The following PID1 variants were observed in gnomAD, a reference collection of about 807,000 sequenced individuals.
The protein encoded by PID1 is PTB-containing, cubilin and LRP1-interacting protein.
In PID1, 10 loss-of-function variants were observed where a neutral mutation model predicts 19.1. The ratio of observed to expected loss-of-function variants is 0.52; its 90% CI spans 0.32 to 0.89. PID1 has a LOEUF of 0.89. PID1 is among the 40% of genes least tolerant of loss of function. The pLI, the probability that PID1 is intolerant of heterozygous loss-of-function variation, is 0.03. For missense variants in PID1, 248 were observed against 285.3 expected (o/e 0.87, Z 0.94); for synonymous variants, 130 against 116.0 (o/e 1.12, Z -0.78).
chr2:229,246,619 G>A (rs978973814), intron 1 of PID1, among the ~76,000 whole-genome samples: 4 of 152,096 alleles, frequency 2.6e-5, no homozygotes, highest in Admixed American at 2.0e-4. Context: ...ACCATCCACG[G>A]AACAAATAAA....
chr2:229,220,613 G>A (rs1691946404), intron 1 of PID1, among the ~76,000 whole-genome samples: 1 of 152,150 alleles, frequency 6.6e-6, no homozygotes, highest in South Asian at 2.1e-4. Flanking sequence ...GATTCTATGA[G>A]TTCAGTCGGC....
At chr2:229,202,785 T>A (rs1043741887) in intron 1 of PID1, among the ~76,000 whole-genome samples, 1 of 152,102 alleles carries the variant, frequency 6.6e-6, no homozygotes, top group African/African-American at 2.4e-5. Flanking sequence ...AGTGTTCCAA[T>A]TACAATAGGA....
chr2:229,052,218 T>C (rs1694009928), intron 2 of PID1, among the ~76,000 whole-genome samples: 1 of 152,218 alleles, frequency 6.6e-6, no homozygotes, highest in Non-Finnish European at 1.5e-5. Flanking sequence ...AATTCATATA[T>C]GTGGACCCAA....
At chr2:229,056,670 T>TC (rs1324697960) in intron 2 of PID1, among the ~76,000 whole-genome samples, 1 of 79,484 alleles carries the variant, frequency 1.3e-5, no homozygotes, top group African/African-American at 6.1e-5. Context: ...TGGCTTTTTT[T>TC]CCCTCCCTTC....
At chr2:229,080,160 A>G (rs1339929197) in intron 2 of PID1, among the ~76,000 whole-genome samples, 1 of 152,228 alleles carries the variant, frequency 6.6e-6, no homozygotes, top group Non-Finnish European at 1.5e-5. Flanking sequence ...TCCATGGTTC[A>G]TGTGAAAGAA....
At chr2:229,173,383 G>A (rs1690749602) in intron 1 of PID1, among the ~76,000 whole-genome samples, 2 of 152,122 alleles carry the variant, frequency 1.3e-5, no homozygotes, top group South Asian at 4.1e-4. Flanking sequence ...AGTCATGAAG[G>A]CAAACAGCAC....
chr2:229,155,685 G>A (rs1690354924), intron 2 of PID1, 133 bp downstream of exon 2: 2 of 769,190 alleles, frequency 2.6e-6, no homozygotes, highest in Non-Finnish European at 4.0e-6. Context: ...CCATCACTCT[G>A]TGAATTTATT....
intron 2 of PID1, among the ~76,000 whole-genome samples, chr2:229,056,686 G>GT (rs1276628260): frequency 1.5e-5 from 1 of 65,878 alleles, no homozygotes; most frequent in East Asian, 4.2e-4. Flanking sequence ...CCTTCCCAAT[G>GT]CACCACCAAG....
chr2:229,046,804 C>T (rs2106180019), intron 2 of PID1, among the ~76,000 whole-genome samples: 1 of 152,282 alleles, frequency 6.6e-6, no homozygotes, highest in Non-Finnish European at 1.5e-5. Context: ...TACCATCTTG[C>T]TTTCAAAATG....
intron 2 of PID1, among the ~76,000 whole-genome samples, chr2:229,060,786 A>G (rs1273717449): frequency 6.6e-6 from 1 of 151,886 alleles, no homozygotes; most frequent in Non-Finnish European, 1.5e-5. Flanking sequence ...ACTTCTTACC[A>G]TCTGTCTTTT....
chr2:229,259,414 A>G (rs1205549046), intron 1 of PID1, among the ~76,000 whole-genome samples: 1 of 152,148 alleles, frequency 6.6e-6, no homozygotes, highest in African/African-American at 2.4e-5. Flanking sequence ...TCATTGTTCT[A>G]AGGAATCTCT....
intron 2 of PID1, among the ~76,000 whole-genome samples, chr2:229,111,187 T>C (rs953716658): frequency 1.3e-5 from 2 of 152,146 alleles, no homozygotes; most frequent in Admixed American, 6.6e-5. Flanking sequence ...TCTTTATAAA[T>C]TACCCAGTCT....
At chr2:229,029,565 G>A (rs770341490) in intron 2 of PID1, among the ~76,000 whole-genome samples, 6 of 152,128 alleles carry the variant, frequency 3.9e-5, no homozygotes, top group Non-Finnish European at 7.4e-5. Flanking sequence ...AGTAGAGGCC[G>A]GGCGCAGTGG....
At chr2:229,167,414 G>A in intron 1 of PID1, among the ~76,000 whole-genome samples, 1 of 152,054 alleles carries the variant, frequency 6.6e-6, no homozygotes, top group East Asian at 1.9e-4. Flanking sequence ...TACTGAGAAG[G>A]TTACAACGCC....
intron 2 of PID1, among the ~76,000 whole-genome samples, chr2:229,034,529 T>A (rs986859278): frequency 6.6e-6 from 1 of 152,098 alleles, no homozygotes. Flanking sequence ...GGCTGGTCCC[T>A]TTAGACTTGT....
intron 2 of PID1, among the ~76,000 whole-genome samples, chr2:229,135,368 T>C (rs1229011189): frequency 3.9e-5 from 6 of 152,210 alleles, no homozygotes; most frequent in African/African-American, 1.2e-4. Flanking sequence ...GAAAGTATTA[T>C]GCTAAGTGAA....
chr2:229,100,144 A>C (rs922393520), intron 2 of PID1, among the ~76,000 whole-genome samples: 3 of 152,170 alleles, frequency 2.0e-5, no homozygotes, highest in Non-Finnish European at 2.9e-5. Flanking sequence ...CAGCACCTTG[A>C]TCTTGGACTT....
intron 2 of PID1, among the ~76,000 whole-genome samples, chr2:229,064,249 T>C (rs1022447218): frequency 1.3e-5 from 2 of 152,026 alleles, no homozygotes; most frequent in African/African-American, 4.8e-5. Flanking sequence ...TGAAAGAGGA[T>C]GATGGTACAA....
intron 2 of PID1, among the ~76,000 whole-genome samples, chr2:229,089,646 A>G (rs1357642836): frequency 6.6e-6 from 1 of 152,202 alleles, no homozygotes; most frequent in Non-Finnish European, 1.5e-5. Context: ...GAGATGCTAA[A>G]CATATATGGA....
Sources: allele counts gnomAD v4.1 joint callset (sites outside exome capture counted in the v4.1 genomes callset), GRCh38; gene constraint gnomAD v4.1.1; transcripts MANE v1.5; gene names NCBI Gene and HGNC (gene_info 2026-07-23, HGNC 2026-07-21).